OR1I1: variants seen among roughly 807,000 people sequenced by gnomAD.
OR1I1 encodes olfactory receptor family 1 subfamily I member 1, also known as olfactory receptor 1I1.
For synonymous variants in OR1I1, 171 were observed against 181.4 expected (o/e 0.94, Z 0.46); for missense variants, 451 against 443.6 (o/e 1.02, Z -0.15).
chr19:15,083,015 C>A (rs2145300543), intron 1 of OR1I1, among the ~76,000 whole-genome samples: 1 of 151,814 alleles, frequency 6.6e-6, no homozygotes, highest in East Asian at 2.0e-4. Context: ...CTATGTTGCC[C>A]AGGATGGTCT....
chr19:15,085,151 TATATATATATATATATA>T (rs2046223975), intron 1 of OR1I1, among the ~76,000 whole-genome samples: 1 of 42,744 alleles, frequency 2.3e-5, no homozygotes, highest in African/African-American at 9.6e-5. Context: ...TATATATATA[TATATATATATATATATA>T]TATATATATT....
At position 15,087,504 on chromosome 19, in the gene OR1I1, G is replaced by C; in HGVS notation, c.439G>C (p.Ala147Pro). 6.2e-7 allele frequency: 1 copy of C among 1,614,186 alleles called. No individual in the cohort carries two copies. The highest frequency in any genetic ancestry group is 1.1e-5 in the South Asian group (1 of 91,086). ...CCCTGTCTGTGGGCTGCTGCTGGGA[G>C]CATCATGGATGATCACCAACCTCCA... ...CSPVCGLLLG[A>P]SWMITNLQSL... Residue 147 changes from alanine to proline, a missense_variant, in exon 2 of 2, where the codon GCA (alanine) becomes CCA (proline). Coordinates refer to ENST00000641398, the MANE Select transcript of OR1I1 (RefSeq NM_001004713.2).
rs1254599924 is a variant in OR1I1 at position 15,089,582 on chromosome 19, G to A, written c.*1449G>A. ...TCACACCTGTAAACTCTGGCACTTT[G>A]GGAGGTTGAGTAGGGAGAATCATTT... On this transcript the variant is annotated 3_prime_UTR_variant, in exon 2 of 2. Coordinates refer to ENST00000641398, the MANE Select transcript of OR1I1 (RefSeq NM_001004713.2). 7.2e-5 allele frequency: 11 copies of A among 152,190 alleles called. No homozygotes were observed. 9.4% of individuals were successfully genotyped at this position (152,190 alleles called of 1,614,324 possible).
Position 15,091,532 on chromosome 19 carries a change from A to G in OR1I1, c.*3399A>G, listed in dbSNP as rs1022722310. The G allele has an allele frequency of 4.6e-5, 7 of 152,260 alleles. No homozygotes were observed. The highest frequency in any genetic ancestry group is 1.0e-4 in the Non-Finnish European group (7 of 68,154). The allele number at this position is 152,260 out of a possible 1,614,324, so 9.4% of individuals were successfully genotyped here. On this transcript the variant is annotated 3_prime_UTR_variant, in exon 2 of 2. Coordinates refer to ENST00000641398, the MANE Select transcript of OR1I1 (RefSeq NM_001004713.2). ...AAATTAGCCGGACATGTTGGCGGGC[A>G]CCTGTAGTCCCAGCTACTCGGGAGG...
intron 1 of OR1I1, among the ~76,000 whole-genome samples, chr19:15,085,177 T>TG (rs1491455089): frequency 2.2e-5 from 1 of 45,840 alleles, no homozygotes; most frequent in Non-Finnish European, 4.7e-5. Flanking sequence ...TATATATATA[T>TG]TTTTTTTTTT....
Position 15,092,143 on chromosome 19 carries a change from A to T in OR1I1, c.*4010A>T. ...GGTTGTTTTTTTTTTTTCCCCGGAA[A>T]CTTGTATTCTAGCTGTGAACTGGCC... On this transcript the variant is annotated 3_prime_UTR_variant, in exon 2 of 2. Transcript: ENST00000641398. 9.3e-6 allele frequency: 1 copy of T among 107,788 alleles called. No homozygotes were observed. The highest frequency in any genetic ancestry group is 1.2e-4 in the Admixed American group (1 of 8,650). The allele number at this position is 107,788 out of a possible 1,614,324, so 6.7% of individuals were successfully genotyped here. A position where few individuals can be genotyped will look rare whatever the true frequency, so the allele number is the denominator to read the frequency against.
rs16980313 is a variant in OR1I1 at position 15,088,040 on chromosome 19, A to G, written c.975A>G (p.Pro325=). ...PEQLLDVYHV[P]GSLLAARDTE... is the part of the protein sequence containing the mutation. ...AGTTATTGGATGTTTATCATGTTCC[A>G]GGATCACTGTTGGCTGCTAGGGACA... Residue 325 remains proline, a synonymous_variant, in exon 2 of 2, where the codon CCA becomes CCG. Coordinates refer to ENST00000641398, the MANE Select transcript of OR1I1 (RefSeq NM_001004713.2). 7.5e-6 allele frequency: 12 copies of G among 1,610,612 alleles called. No individual in the cohort carries two copies. Among genetic ancestry groups the G allele is most frequent in the South Asian group, 6.6e-5 (6 of 90,748 alleles).
intron 1 of OR1I1, among the ~76,000 whole-genome samples, chr19:15,085,130 T>TTATATATATA (rs775570074): frequency 3.5e-5 from 1 of 28,538 alleles, no homozygotes. Context: ...CATTTTTGAC[T>TTATATATATA]TATATATATA....
At chr19:15,084,696 G>A (rs2046221502) in intron 1 of OR1I1, among the ~76,000 whole-genome samples, 1 of 151,960 alleles carries the variant, frequency 6.6e-6, no homozygotes, top group South Asian at 2.1e-4. Context: ...AAACCTGCAC[G>A]TCCTGCACGT....
At chr19:15,085,176 A>ATATTTTTT (rs1555717400) in intron 1 of OR1I1, among the ~76,000 whole-genome samples, 27 of 80,108 alleles carry the variant, frequency 3.4e-4, no homozygotes, top group African/African-American at 5.1e-4. Flanking sequence ...ATATATATAT[A>ATATTTTTT]TTTTTTTTTT....
In OR1I1 at chr19:15,087,888, G is replaced by T; in HGVS notation, c.823G>T (p.Ala275Ser). ...PSSSQKDKAA[A>S]LMCGVFIPML... Reference sequence around the variant, plus strand: ...CTCCTCCCAGAAGGACAAGGCAGCCGCCCTAATGTGTGGGGTGTTCATCCC... The same window carrying T: ...CTCCTCCCAGAAGGACAAGGCAGCCTCCCTAATGTGTGGGGTGTTCATCCC... Residue 275 changes from alanine (A) to serine (S), a missense_variant, in exon 2 of 2, where the codon GCC becomes TCC. Physicochemically the swap from Ala to Ser is moderately conservative, Grantham distance 99 (BLOSUM62 1). Transcript: ENST00000641398. 6.2e-7 allele frequency: 1 copy of T among 1,614,180 alleles called. No individual in the cohort carries two copies. Among genetic ancestry groups the T allele is most frequent in the Non-Finnish European group, 8.5e-7 (1 of 1,180,026 alleles).
At position 15,085,176 on chromosome 19, in the gene OR1I1, A is replaced by ATATGTT. The variant is rs1555717400; in HGVS notation, c.-13-1876_-13-1875insATGTTT. Reference sequence around the variant, plus strand: ...TATATATATATATATATATATATATATTTTTTTTTTTGAGACAGAGTTTCG... The same window carrying ATATGTT: ...TATATATATATATATATATATATATATATGTTTTTTTTTTTTTGAGACAGAGTTTCG... On this transcript the variant is annotated intron_variant, in intron 1 of 1. Coordinates refer to ENST00000641398, the MANE Select transcript of OR1I1 (RefSeq NM_001004713.2). Among the ~76,000 whole-genome samples, 4 of 80,126 alleles carry ATATGTT rather than the reference A, an allele frequency of 5.0e-5. 1 individual carries two copies. Among genetic ancestry groups the ATATGTT allele is most frequent in the South Asian group, 1.0e-3 (2 of 1,966 alleles). 52.6% of individuals were successfully genotyped at this position (80,126 alleles called of 152,430 possible).
Position 15,088,387 on chromosome 19 carries a change from A to C in OR1I1, c.*254A>C. On this transcript the variant is annotated 3_prime_UTR_variant, in exon 2 of 2. Transcript: ENST00000641398. ...TGACAAAGGCCAGGTGTGGAAGCTC[A>C]AGCCTGTGATCCCAGCATTTTGGGA... 2.4e-6 allele frequency: 1 copy of C among 415,422 alleles called. No individual in the cohort carries two copies. The highest frequency in any genetic ancestry group is 4.3e-6 in the Non-Finnish European group (1 of 231,344). 25.7% of individuals were successfully genotyped at this position (415,422 alleles called of 1,614,324 possible). A position where few individuals can be genotyped will look rare whatever the true frequency, so the allele number is the denominator to read the frequency against.
rs941097847 is a variant in OR1I1, at chr19:15,087,715, C to T, written c.650C>T (p.Ser217Leu). The change falls in exon 2 of 2, where the codon TCG becomes TTG. Residue 217 changes from serine (S) to leucine (L), a missense_variant. Transcript: ENST00000641398. ...GTSPFSCILL[S>L]YIRIFWTVFK... ...AGCCCATTCTCCTGCATCCTTCTCT[C>T]GTACATCCGCATTTTCTGGACAGTC... 9 of 1,614,072 alleles carry T rather than the reference C, an allele frequency of 5.6e-6. No homozygotes were observed. The highest frequency in any genetic ancestry group is 7.6e-6 in the Non-Finnish European group (9 of 1,180,048).
chr19:15,087,516 A>G lies in OR1I1; in HGVS notation c.451A>G (p.Ile151Val). Residue 151 changes from isoleucine to valine, a missense_variant, in exon 2 of 2, where the codon ATC becomes GTC. Ile to Val is a conservative substitution (Grantham distance 29). Coordinates refer to ENST00000641398, the MANE Select transcript of OR1I1 (RefSeq NM_001004713.2). The part of the protein sequence containing the change: ...CGLLLGASWM[I>V]TNLQSLIHTC... ...GCTGCTGCTGGGAGCATCATGGATG[A>G]TCACCAACCTCCAGTCTCTCATACA... 3 of 1,614,138 alleles carry G rather than the reference A, an allele frequency of 1.9e-6. No individual in the cohort carries two copies. Among genetic ancestry groups the G allele is most frequent in the Non-Finnish European group, 2.5e-6 (3 of 1,180,020 alleles).
intron 1 of OR1I1, among the ~76,000 whole-genome samples, chr19:15,084,383 C>T (rs1259615892): frequency 3.3e-5 from 5 of 152,218 alleles, no homozygotes; most frequent in Middle Eastern, 3.4e-3. Context: ...CATGGTGAAA[C>T]CCCATCTCTA....
In OR1I1 at chr19:15,092,094, T is replaced by TTTTTTTTTTTTTTTTTTTTTTTTTG. The variant is rs2046259257; in HGVS notation, c.*3977_*3978insTTTTTTTTGTTTTTTTTTTTTTTTT. 1 of 59,906 alleles carries TTTTTTTTTTTTTTTTTTTTTTTTTG rather than the reference T, an allele frequency of 1.7e-5. No homozygotes were observed. Among genetic ancestry groups the TTTTTTTTTTTTTTTTTTTTTTTTTG allele is most frequent in the African/African-American group, 3.5e-5 (1 of 28,642 alleles). 3.7% of individuals were successfully genotyped at this position (59,906 alleles called of 1,614,324 possible). ...CAAATTGGATTTAAAACGCTTTTTTTTTTTTTTTTTTTTTTTGGTTTTTGG... is the reference window on the plus strand; with the variant it reads ...CAAATTGGATTTAAAACGCTTTTTTTTTTTTTTTTTTTTTTTTTTTTTTTGTTTTTTTTTTTTTTTTGGTTTTTGG... On this transcript the variant is annotated 3_prime_UTR_variant, in exon 2 of 2. Coordinates refer to ENST00000641398, the MANE Select transcript of OR1I1 (RefSeq NM_001004713.2).
Position 15,087,451 on chromosome 19 carries a change from C to T in OR1I1, c.386C>T (p.Pro129Leu), listed in dbSNP as rs201426979. 4.6e-5 allele frequency: 75 copies of T among 1,614,078 alleles called. No individual in the cohort carries two copies. In the East Asian group the frequency reaches 1.0e-3, roughly 23 times the overall value. Residue 129 changes from proline to leucine, a missense_variant, in exon 2 of 2, where the codon CCA becomes CTA. By Grantham distance (98) the Pro-to-Leu change is moderately conservative. Transcript: ENST00000641398. The stretch of plus-strand genomic sequence containing the variant: ...GACCGCTTCGTGGCCATTGTCCACC[C>T]ACAGCGTTACTTGGTTCTCATGTGC... ...AIDRFVAIVH[P>L]QRYLVLMCSP...
chr19:15,085,176 ATTTT>A (rs757508009), intron 1 of OR1I1, among the ~76,000 whole-genome samples: 1 of 80,140 alleles, frequency 1.2e-5, no homozygotes, highest in Non-Finnish European at 2.3e-5. Context: ...ATATATATAT[ATTTT>A]TTTTTTTGAG....
Sources: gnomAD v4.1 joint callset for allele counts (sites outside exome capture counted in the v4.1 genomes callset) on GRCh38, gnomAD v4.1.1 for gene constraint, MANE v1.5 for transcripts, NCBI Gene and HGNC (gene_info 2026-07-23, HGNC 2026-07-21) for gene names.